RBFOX1: variants seen among roughly 807,000 people sequenced by gnomAD.
RBFOX1 encodes the protein RNA binding fox-1 homolog 1, also known as RNA binding protein fox-1 homolog 1.
In RBFOX1, 8 loss-of-function variants were observed where a neutral mutation model predicts 57.7. That is an observed-to-expected ratio of 0.14 (90% CI 0.08 to 0.25). The LOEUF (loss-of-function observed/expected upper bound fraction) is 0.25. Among genes scored for constraint, RBFOX1 ranks in the 10% least tolerant of loss-of-function variants. The pLI, the probability that RBFOX1 is intolerant of heterozygous loss-of-function variation, is 1.00. For synonymous variants in RBFOX1, 326 were observed against 222.4 expected, an observed-to-expected ratio of 1.47 and a Z score of -4.15; for missense variants, 611 against 548.5, an observed-to-expected ratio of 1.11 and a Z score of -1.14.
At position 6,006,006 on chromosome 16, in the gene RBFOX1, A is replaced by G. The variant is rs114656112; in HGVS notation, c.351+138671A>G. Among the ~76,000 whole-genome samples the G allele has an allele frequency of 7.2e-3, 1,099 of 152,314 alleles. 17 individuals carry two copies. The highest frequency in any genetic ancestry group is 0.024 in the African/African-American group (1,006 of 41,578). Reference sequence around the variant, plus strand: ...AAGGCAGGCTTGGGCCAATTCATGGAGAGTCTTGTATGGTAAGCAAAGATG... The same window carrying G: ...AAGGCAGGCTTGGGCCAATTCATGGGGAGTCTTGTATGGTAAGCAAAGATG... On this transcript the variant is annotated intron_variant, in intron 4 of 19. Transcript: ENST00000641259.
At chr16:5,842,564 TTATTA>T (rs1330047226) in intron 3 of RBFOX1, among the ~76,000 whole-genome samples, 1 of 152,206 alleles carries the variant, frequency 6.6e-6, no homozygotes, top group Non-Finnish European at 1.5e-5. Flanking sequence ...ATTTTTAAAC[TTATTA>T]AACATTTTTC....
intron 3 of RBFOX1, among the ~76,000 whole-genome samples, chr16:5,801,311 C>G (rs1306048044): frequency 6.7e-6 from 1 of 148,784 alleles, no homozygotes; most frequent in African/African-American, 2.5e-5. Context: ...ATTTTAAAGT[C>G]TCTATCTGCC....
At chr16:7,174,679 C>T (rs1025888288) in intron 4 of RBFOX1, among the ~76,000 whole-genome samples, 1 of 152,184 alleles carries the variant, frequency 6.6e-6, no homozygotes, top group African/African-American at 2.4e-5. Flanking sequence ...ACTCGGGAGT[C>T]TGAGGCAGGA....
chr16:7,687,629 T>G (rs1261666872), intron 14 of RBFOX1, among the ~76,000 whole-genome samples: 1 of 152,002 alleles, frequency 6.6e-6, no homozygotes, highest in African/African-American at 2.4e-5. Flanking sequence ...ACAACAAGAA[T>G]AAACTGATTA....
At chr16:5,368,066 C>G (rs544189082) in intron 1 of RBFOX1, among the ~76,000 whole-genome samples, 15 of 152,184 alleles carry the variant, frequency 9.9e-5, no homozygotes, top group Non-Finnish European at 2.1e-4. Flanking sequence ...CACATGAGCT[C>G]TAACCAGTCA....
At chr16:6,192,366 C>G (rs1323321197) in intron 1 of RBFOX1, among the ~76,000 whole-genome samples, 2 of 152,094 alleles carry the variant, frequency 1.3e-5, no homozygotes, top group Non-Finnish European at 2.9e-5. Context: ...GAAGGAACGG[C>G]AGATAAGATG....
At chr16:6,145,478 A>G (rs1419119098) in intron 1 of RBFOX1, among the ~76,000 whole-genome samples, 1 of 152,134 alleles carries the variant, frequency 6.6e-6, no homozygotes, top group African/African-American at 2.4e-5. Flanking sequence ...GCTATTGTGA[A>G]TAGTGCTACA....
At chr16:6,890,809 A>C (rs968907115) in intron 3 of RBFOX1, among the ~76,000 whole-genome samples, 4 of 152,186 alleles carry the variant, frequency 2.6e-5, no homozygotes, top group African/African-American at 9.7e-5. Flanking sequence ...CTGTGTGAAA[A>C]GTAACTGGAA....
At chr16:6,102,759 G>C (rs1419724991) in intron 1 of RBFOX1, among the ~76,000 whole-genome samples, 1 of 152,158 alleles carries the variant, frequency 6.6e-6, no homozygotes, top group Non-Finnish European at 1.5e-5. Context: ...AATCACAGCT[G>C]TTAAACTGTG....
intron 1 of RBFOX1, among the ~76,000 whole-genome samples, chr16:6,119,030 A>G (rs537171719): frequency 1.0e-5 from 1 of 96,886 alleles, no homozygotes; most frequent in Non-Finnish European, 2.4e-5. Context: ...TTTTTTTTTG[A>G]TCTTTCATGA....
intron 4 of RBFOX1, among the ~76,000 whole-genome samples, chr16:5,994,846 A>C (rs773329257): frequency 2.6e-5 from 4 of 152,194 alleles, no homozygotes; most frequent in Non-Finnish European, 5.9e-5. Context: ...CCAAGTGCCC[A>C]ATGAGAAATG....
intron 1 of RBFOX1, among the ~76,000 whole-genome samples, chr16:6,052,440 C>A (rs1476538923): frequency 6.6e-6 from 1 of 152,144 alleles, no homozygotes; most frequent in East Asian, 1.9e-4. Context: ...TTTGCTTAGT[C>A]AACCTCTATA....
intron 4 of RBFOX1, among the ~76,000 whole-genome samples, chr16:5,916,930 G>A (rs955422606): frequency 3.3e-5 from 5 of 152,130 alleles, no homozygotes; most frequent in African/African-American, 9.7e-5. Context: ...TCAGCTGTGC[G>A]CAGGACGAGC....
chr16:5,791,601 G>A (rs1472843121), intron 3 of RBFOX1, among the ~76,000 whole-genome samples: 1 of 152,028 alleles, frequency 6.6e-6, no homozygotes, highest in Non-Finnish European at 1.5e-5. Flanking sequence ...AGGAACAAGG[G>A]GTCTTAAGTT....
In RBFOX1 at chr16:7,071,898, A is replaced by G. The variant is rs551907131; in HGVS notation, c.27+19800A>G. 7.9e-5 allele frequency among the ~76,000 whole-genome samples: 12 copies of G among 152,226 alleles called. No homozygotes were observed. In the East Asian group the frequency reaches 1.5e-3, roughly 20 times the overall value. On this transcript the variant is annotated intron_variant, in intron 4 of 15. Coordinates refer to ENST00000550418, the MANE Select transcript of RBFOX1 (RefSeq NM_018723.4). Reference sequence around the variant, plus strand: ...TCCTAATTCAGTTGTTGAGACCAGAAGCTCAGCTGTTGCTCTTCACTACTA... The same window carrying G: ...TCCTAATTCAGTTGTTGAGACCAGAGGCTCAGCTGTTGCTCTTCACTACTA...
intron 2 of RBFOX1, among the ~76,000 whole-genome samples, chr16:6,486,604 T>G (rs2095487759): frequency 6.7e-6 from 1 of 150,348 alleles, no homozygotes; most frequent in South Asian, 2.1e-4. Flanking sequence ...CTTGTGTTGA[T>G]TTTCTGACGA....
At chr16:7,511,752 G>C (rs1214251392) in intron 4 of RBFOX1, among the ~76,000 whole-genome samples, 1 of 152,166 alleles carries the variant, frequency 6.6e-6, no homozygotes, top group Non-Finnish European at 1.5e-5. Flanking sequence ...CTGTCGTTGA[G>C]TTGCTCTCGT....
At chr16:7,167,886 C>G (rs1354403112) in intron 4 of RBFOX1, among the ~76,000 whole-genome samples, 3 of 152,102 alleles carry the variant, frequency 2.0e-5, no homozygotes, top group Non-Finnish European at 4.4e-5. Context: ...GTGCCAACCG[C>G]TCTTCTAGGG....
At chr16:5,570,204 A>C (rs1373987693) in intron 2 of RBFOX1, among the ~76,000 whole-genome samples, 1 of 152,056 alleles carries the variant, frequency 6.6e-6, no homozygotes, top group Non-Finnish European at 1.5e-5. Context: ...TTCTAACTCA[A>C]AGTACATACA....
Sources: gnomAD v4.1 joint callset for allele counts (sites outside exome capture counted in the v4.1 genomes callset) on GRCh38, gnomAD v4.1.1 for gene constraint, MANE v1.5 for transcripts, NCBI Gene and HGNC (gene_info 2026-07-23, HGNC 2026-07-21) for gene names.